The following NTNG2 variants were observed in gnomAD, a reference collection of about 807,000 sequenced individuals.
NTNG2 encodes netrin-G2.
Under a neutral mutation model 47.6 loss-of-function variants are expected in NTNG2, and 15 were observed. That is an observed-to-expected ratio of 0.32 (90% confidence interval 0.21 to 0.49). The LOEUF (loss-of-function observed/expected upper bound fraction) is 0.49. NTNG2 is among the 20% of genes least tolerant of loss of function. The probability of loss-of-function intolerance (pLI) is 0.99; values close to 1 mark genes in which losing one functional copy is unlikely to be tolerated. For synonymous variants in NTNG2, 307 were observed against 324.6 expected (o/e 0.95, Z 0.58); for missense variants, 578 against 764.6 (o/e 0.76, Z 2.88).
rs184675600 is a variant in NTNG2, at chr9:132,180,508, C to T, written c.213+13464C>T. ...TTTGCCCACAGTTCTGGGGCTGGCA[C>T]CGTCCTGGGGCTCAGCTCCTAGGGA... On this transcript the variant is annotated intron_variant, in intron 2 of 7. Coordinates refer to ENST00000393229, the MANE Select transcript of NTNG2 (RefSeq NM_032536.4). The surrounding 1 kb of genome is among the most constrained non-coding windows in gnomAD (Gnocchi z 4.2). 1.8e-4 allele frequency among the ~76,000 whole-genome samples: 28 copies of T among 152,380 alleles called. No homozygotes were observed. Among genetic ancestry groups the T allele is most frequent in the Admixed American group, 7.2e-4 (11 of 15,312 alleles).
intron 2 of NTNG2, among the ~76,000 whole-genome samples, chr9:132,168,031 G>A (rs574740960): frequency 3.9e-5 from 6 of 152,352 alleles, no homozygotes; most frequent in South Asian, 4.1e-4. Flanking sequence ...TAAAGTGTTC[G>A]GAATAGGACC....
At chr9:132,210,661 G>A (rs537616346) in intron 3 of NTNG2, among the ~76,000 whole-genome samples, 89 of 152,332 alleles carry the variant, frequency 5.8e-4, no homozygotes, top group Non-Finnish European at 9.3e-4. Context: ...GGCTTGCTGG[G>A]CCTCACCAGC....
intron 2 of NTNG2, among the ~76,000 whole-genome samples, chr9:132,190,523 T>C (rs950896982): frequency 6.6e-6 from 1 of 152,160 alleles, no homozygotes; most frequent in Non-Finnish European, 1.5e-5. Flanking sequence ...TGACCGCCCC[T>C]CCACGGCCTC....
At chr9:132,179,386 C>T (rs1836754238) in intron 2 of NTNG2, among the ~76,000 whole-genome samples, 2 of 152,102 alleles carry the variant, frequency 1.3e-5, no homozygotes, top group African/African-American at 4.8e-5. Flanking sequence ...TCTTGGGGGC[C>T]CTGAGGGGAT....
In NTNG2 at chr9:132,230,528, C is replaced by T. The variant is rs773787094; in HGVS notation, c.1031-44C>T. 27 of 1,579,516 alleles carry T rather than the reference C, an allele frequency of 1.7e-5. No homozygotes were observed. In the East Asian group the frequency reaches 6.2e-4, roughly 36 times the overall value. On this transcript the variant is annotated intron_variant, in intron 4 of 7. Transcript: ENST00000393229. The stretch of plus-strand genomic sequence containing the variant: ...TCTGCAGGGAGGTGACACCCAGGCC[C>T]CTTCCCCTGGGGCAGCCAGCTCACG...
intron 6 of NTNG2, chr9:132,240,542 C>T (rs1342321499): frequency 8.0e-6 from 3 of 374,346 alleles, no homozygotes; most frequent in Non-Finnish European, 1.5e-5. Context: ...CCCAGACATG[C>T]TCAGTGGCCT....
intron 3 of NTNG2, among the ~76,000 whole-genome samples, chr9:132,222,370 A>G (rs1840408774): frequency 6.6e-6 from 1 of 152,240 alleles, no homozygotes; most frequent in Non-Finnish European, 1.5e-5. Flanking sequence ...AGCTAAGCAC[A>G]TAGCAGTCCT....
At chr9:132,183,850 A>G (rs1837131246) in intron 2 of NTNG2, among the ~76,000 whole-genome samples, 1 of 151,614 alleles carries the variant, frequency 6.6e-6, no homozygotes, top group African/African-American at 2.4e-5. Context: ...TTGGTTAATT[A>G]CTCGATTGGT....
chr9:132,191,632 C>T (rs1277053107), intron 2 of NTNG2, among the ~76,000 whole-genome samples: 1 of 151,842 alleles, frequency 6.6e-6, no homozygotes, highest in Non-Finnish European at 1.5e-5. Flanking sequence ...AGTGCAGTGG[C>T]GCGATCTCGG....
At chr9:132,217,554 T>C (rs978075214) in intron 3 of NTNG2, among the ~76,000 whole-genome samples, 1 of 152,344 alleles carries the variant, frequency 6.6e-6, no homozygotes, top group Non-Finnish European at 1.5e-5. Context: ...TAGTATACTC[T>C]GCATAAGGTT....
intron 2 of NTNG2, among the ~76,000 whole-genome samples, chr9:132,167,730 T>C (rs1273672002): frequency 6.6e-6 from 1 of 151,944 alleles, no homozygotes; most frequent in Non-Finnish European, 1.5e-5. Flanking sequence ...GAAGGAGGGG[T>C]CCTAGGGGCA....
intron 3 of NTNG2, among the ~76,000 whole-genome samples, chr9:132,202,801 G>A (rs1838875682): frequency 6.6e-6 from 1 of 152,216 alleles, no homozygotes; most frequent in African/African-American, 2.4e-5. Context: ...GGGACCGGGA[G>A]GCTTGGGGTG....
Position 132,218,667 on chromosome 9 carries a change from T to C in NTNG2, c.858-8182T>C, listed in dbSNP as rs112148561. ...GCATGCCACCACACCCAGCTAATTTTTGTATTTTTAGTAGAGACGGGATTT... is the reference window on the plus strand; with the variant it reads ...GCATGCCACCACACCCAGCTAATTTCTGTATTTTTAGTAGAGACGGGATTT... On this transcript the variant is annotated intron_variant, in intron 3 of 7. Coordinates refer to ENST00000393229, the MANE Select transcript of NTNG2 (RefSeq NM_032536.4). This position sits in a 1 kb window ranked among gnomAD's most constrained non-coding sequence, Gnocchi z 5.4. Among the ~76,000 whole-genome samples, 9 of 152,194 alleles carry C rather than the reference T, an allele frequency of 5.9e-5. 1 individual carries two copies. The highest frequency in any genetic ancestry group is 1.9e-4 in the African/African-American group (8 of 41,524).
intron 2 of NTNG2, among the ~76,000 whole-genome samples, chr9:132,184,468 G>A (rs530211523): frequency 6.6e-6 from 1 of 152,370 alleles, no homozygotes; most frequent in African/African-American, 2.4e-5. Context: ...GCTCCCTTGG[G>A]ACTGGGGGGC....
chr9:132,228,712 C>G (rs1186157718), intron 4 of NTNG2, among the ~76,000 whole-genome samples: 3 of 152,172 alleles, frequency 2.0e-5, no homozygotes, highest in African/African-American at 2.4e-5. Flanking sequence ...TGCACACCAC[C>G]AGGCCCAGCT....
At chr9:132,193,026 C>G (rs1589428784) in intron 2 of NTNG2, among the ~76,000 whole-genome samples, 2 of 152,216 alleles carry the variant, frequency 1.3e-5, no homozygotes, top group South Asian at 4.1e-4. Context: ...CAGTGACAGA[C>G]AGGCCGGGTG....
chr9:132,242,375 CTT>C lies in NTNG2; in HGVS notation c.*266_*267del, dbSNP rs1469798687. 6.3e-6 allele frequency: 1 copy of C among 159,412 alleles called. No individual in the cohort carries two copies. The highest frequency in any genetic ancestry group is 1.3e-5 in the Non-Finnish European group (1 of 74,730). The allele number at this position is 159,412 out of a possible 1,614,324, so 9.9% of individuals were successfully genotyped here. ...ATCCGCCGCCCAGTTCCTTTTTTGT[CTT>C]TCTCTCTCTCTCTTTTTTTTTTTTT... On this transcript the variant is annotated 3_prime_UTR_variant, in exon 8 of 8. Transcript: ENST00000393229. The surrounding 1 kb of genome is among the most constrained non-coding windows in gnomAD (Gnocchi z 5.9).
At chr9:132,172,259 T>G (rs1220024403) in intron 2 of NTNG2, among the ~76,000 whole-genome samples, 1 of 152,228 alleles carries the variant, frequency 6.6e-6, no homozygotes, top group Non-Finnish European at 1.5e-5. Flanking sequence ...CCAGGAGGCC[T>G]TCTCTGACTC....
intron 3 of NTNG2, among the ~76,000 whole-genome samples, chr9:132,200,210 G>A (rs545626902): frequency 1.9e-4 from 29 of 152,332 alleles, no homozygotes; most frequent in South Asian, 8.3e-4. Context: ...GCTGGGGCGG[G>A]CTGAGGGAGG....
Sources: gnomAD v4.1 joint callset for allele counts (sites outside exome capture counted in the v4.1 genomes callset) on GRCh38, gnomAD v4.1.1 for gene constraint, Gnocchi (gnomAD v3.1) non-coding constraint, MANE v1.5 for transcripts, NCBI Gene and HGNC (gene_info 2026-07-23, HGNC 2026-07-21) for gene names.